The following ADCY3 variants were observed in gnomAD, a reference collection of about 807,000 sequenced individuals.
ADCY3 encodes adenylate cyclase 3, also known as adenylate cyclase type 3.
A neutral mutation model predicts 119.4 loss-of-function variants in ADCY3; 70 were observed. The observed-to-expected ratio is 0.59, with a 90% confidence interval of 0.48 to 0.72. The LOEUF is 0.72. ADCY3 is among the 30% of genes least tolerant of loss of function. The pLI, the probability that ADCY3 is intolerant of heterozygous loss-of-function variation, is 0.00. For missense variants in ADCY3, 1,238 were observed against 1,541.6 expected (o/e 0.80, Z 3.30); for synonymous variants, 672 against 621.4 (o/e 1.08, Z -1.21).
intron 2 of ADCY3, among the ~76,000 whole-genome samples, chr2:24,887,135 G>T (rs61014152): frequency 6.6e-6 from 1 of 152,186 alleles, no homozygotes; most frequent in African/African-American, 2.4e-5. Flanking sequence ...TTACAATCAT[G>T]GCGAAAGGGT....
intron 2 of ADCY3, among the ~76,000 whole-genome samples, chr2:24,902,319 G>A (rs1326071875): frequency 2.0e-5 from 3 of 152,040 alleles, no homozygotes; most frequent in Non-Finnish European, 2.9e-5. Flanking sequence ...GGGCTCAAGC[G>A]ATCCTCCCAC....
chr2:24,848,963 C>G (rs909091057), intron 3 of ADCY3, among the ~76,000 whole-genome samples: 14 of 152,212 alleles, frequency 9.2e-5, no homozygotes, highest in Admixed American at 8.5e-4. Context: ...CTCAGCCCCC[C>G]CCGCCACGTG....
At chr2:24,903,934 G>A (rs1335697863) in intron 2 of ADCY3, among the ~76,000 whole-genome samples, 1 of 152,174 alleles carries the variant, frequency 6.6e-6, no homozygotes, top group Non-Finnish European at 1.5e-5. Context: ...GAAAGGAACC[G>A]AGCTCCATGC....
chr2:24,844,227 G>A (rs757419151), intron 3 of ADCY3, among the ~76,000 whole-genome samples: 7 of 152,074 alleles, frequency 4.6e-5, no homozygotes, highest in African/African-American at 7.2e-5. Flanking sequence ...CCATGGGGTC[G>A]GCTGCTGAAA....
At chr2:24,863,740 GC>G (rs1215374508) in intron 3 of ADCY3, among the ~76,000 whole-genome samples, 2 of 152,114 alleles carry the variant, frequency 1.3e-5, no homozygotes, top group Non-Finnish European at 2.9e-5. Context: ...CACAGTGTAG[GC>G]CAAGAAAGCA....
intron 3 of ADCY3, among the ~76,000 whole-genome samples, chr2:24,862,876 T>A (rs1673846261): frequency 6.6e-6 from 1 of 152,138 alleles, no homozygotes; most frequent in Non-Finnish European, 1.5e-5. Context: ...TATCCAACAA[T>A]CATATGATGG....
At chr2:24,877,614 C>T (rs953009165) in intron 2 of ADCY3, among the ~76,000 whole-genome samples, 5 of 152,158 alleles carry the variant, frequency 3.3e-5, no homozygotes, top group South Asian at 2.1e-4. Flanking sequence ...TTCACGAAGA[C>T]GTGAGCATTA....
intron 19 of ADCY3, chr2:24,822,301 A>T (rs1667876663): frequency 3.2e-6 from 2 of 622,272 alleles, no homozygotes; most frequent in South Asian, 4.2e-5. Flanking sequence ...CTGAGCTGTG[A>T]ACAGCAGGGG....
intron 21 of ADCY3, chr2:24,820,520 C>T (rs1251189813): frequency 9.9e-6 from 14 of 1,410,246 alleles, no homozygotes; most frequent in South Asian, 1.5e-5. Context: ...AGAACTTCAG[C>T]CCAGATTTTG....
intron 18 of ADCY3, 137 bp from the exon 19 acceptor site, chr2:24,822,767 C>T (rs1667971181): frequency 8.4e-7 from 1 of 1,193,126 alleles, no homozygotes; most frequent in Non-Finnish European, 1.2e-6. Context: ...ACTTAGTCTA[C>T]CGCTTATCTG....
chr2:24,882,893 C>T (rs1356820057), intron 2 of ADCY3, among the ~76,000 whole-genome samples: 3 of 151,936 alleles, frequency 2.0e-5, no homozygotes, highest in Non-Finnish European at 4.4e-5. Context: ...CCCGTCTCTA[C>T]TAAAAATACA....
intron 13 of ADCY3, among the ~76,000 whole-genome samples, chr2:24,828,381 T>G (rs1287275925): frequency 6.6e-6 from 1 of 152,168 alleles, no homozygotes; most frequent in Non-Finnish European, 1.5e-5. Context: ...ACAAAAACTC[T>G]CTCGAGTATT....
intron 2 of ADCY3, among the ~76,000 whole-genome samples, chr2:24,883,889 T>C (rs1320256011): frequency 6.6e-6 from 1 of 152,226 alleles, no homozygotes; most frequent in Non-Finnish European, 1.5e-5. Context: ...ACTCTTTGGA[T>C]TCCAAAACTT....
At chr2:24,843,126 G>T (rs1671247068) in intron 3 of ADCY3, among the ~76,000 whole-genome samples, 1 of 152,234 alleles carries the variant, frequency 6.6e-6, no homozygotes, top group South Asian at 2.1e-4. Context: ...GCGCACCAGG[G>T]TCCTTCAGGG....
chr2:24,918,268 A>G lies in ADCY3; in HGVS notation c.675+45T>C. The G allele has an allele frequency of 6.6e-7, 1 of 1,512,546 alleles. No homozygotes were observed. The highest frequency in any genetic ancestry group is 8.8e-7 in the Non-Finnish European group (1 of 1,132,198). The allele number at this position is 1,512,546 out of a possible 1,614,324, so 93.7% of individuals were successfully genotyped here. A position where few individuals can be genotyped will look rare whatever the true frequency, so the allele number is the denominator to read the frequency against. ...CTCCAACAGGTCCCAAGTTGGTGAGAGCTGCAGGAGAGGACGCTGTGGGGG... is the reference window on the plus strand; with the variant it reads ...CTCCAACAGGTCCCAAGTTGGTGAGGGCTGCAGGAGAGGACGCTGTGGGGG... On this transcript the variant is annotated intron_variant, in intron 2 of 21. Coordinates refer to ENST00000679454, the MANE Select transcript of ADCY3 (RefSeq NM_004036.5). The surrounding 1 kb of genome is among the most constrained non-coding windows in gnomAD (Gnocchi z 5.4).
chr2:24,900,922 G>A (rs539889250), intron 2 of ADCY3, among the ~76,000 whole-genome samples: 26 of 152,230 alleles, frequency 1.7e-4, no homozygotes, highest in Admixed American at 4.6e-4. Flanking sequence ...AAAATCAGCT[G>A]GGCGTGGTAG....
chr2:24,836,718 A>G (rs1670370018), intron 9 of ADCY3, among the ~76,000 whole-genome samples, 199 bp downstream of exon 9: 1 of 152,182 alleles, frequency 6.6e-6, no homozygotes, highest in Non-Finnish European at 1.5e-5. Context: ...TCACCCCGGC[A>G]TGTAACTGAT....
Position 24,819,924 on chromosome 2 carries a change from G to A in ADCY3, c.*8C>T, listed in dbSNP as rs377675353. The A allele has an allele frequency of 6.2e-6, 10 of 1,612,594 alleles. No individual in the cohort carries two copies. Among genetic ancestry groups the A allele is most frequent in the Middle Eastern group, 1.6e-4 (1 of 6,076 alleles). On this transcript the variant is annotated 3_prime_UTR_variant, in exon 22 of 22. Coordinates refer to ENST00000679454, the MANE Select transcript of ADCY3 (RefSeq NM_004036.5). ...TTCCGGTTTGGACTGTTGCAGGCTC[G>A]AGGCCATTCAGGAGTTGTCCACCAC...
intron 2 of ADCY3, among the ~76,000 whole-genome samples, chr2:24,874,514 C>T (rs1675410243): frequency 6.6e-6 from 1 of 152,190 alleles, no homozygotes; most frequent in Non-Finnish European, 1.5e-5. Flanking sequence ...GGGGAGGCTC[C>T]GGGACTGGAG....
Sources: allele counts gnomAD v4.1 joint callset (sites outside exome capture counted in the v4.1 genomes callset), GRCh38; gene constraint gnomAD v4.1.1; non-coding constraint Gnocchi (gnomAD v3.1); transcripts MANE v1.5; gene names NCBI Gene and HGNC (gene_info 2026-07-23, HGNC 2026-07-21).